KCND3: variants seen among roughly 807,000 people sequenced by gnomAD.
The protein encoded by KCND3 is potassium voltage-gated channel subfamily D member 3.
A neutral mutation model predicts 51.1 loss-of-function variants in KCND3; 9 were observed. The observed-to-expected ratio is 0.18, with a 90% CI of 0.11 to 0.31. KCND3 has a LOEUF of 0.31. KCND3 is among the 10% of genes least tolerant of loss of function. The probability of loss-of-function intolerance (pLI) is 1.00; values close to 1 mark genes in which losing one functional copy is unlikely to be tolerated. For missense variants in KCND3, 526 were observed against 903.8 expected (o/e 0.58, Z 5.36); for synonymous variants, 349 against 368.0 (o/e 0.95, Z 0.59).
At chr1:111,930,981 C>T (rs1262153512) in intron 2 of KCND3, among the ~76,000 whole-genome samples, 2 of 152,200 alleles carry the variant, frequency 1.3e-5, no homozygotes, top group African/African-American at 4.8e-5. Flanking sequence ...CCAGCCCCAT[C>T]CCACGACACC....
At chr1:111,876,017 G>A (rs1669034047) in intron 2 of KCND3, among the ~76,000 whole-genome samples, 1 of 152,184 alleles carries the variant, frequency 6.6e-6, no homozygotes, top group Non-Finnish European at 1.5e-5. Flanking sequence ...AGGTACCGGA[G>A]AGGCAGCAAA....
intron 2 of KCND3, among the ~76,000 whole-genome samples, chr1:111,805,223 G>A (rs1665509378): frequency 6.9e-6 from 1 of 145,356 alleles, no homozygotes. Context: ...ACCCCAACAG[G>A]GGGAAAAAAA....
chr1:111,850,298 G>T (rs1382680184), intron 2 of KCND3, among the ~76,000 whole-genome samples: 1 of 152,118 alleles, frequency 6.6e-6, no homozygotes, highest in Non-Finnish European at 1.5e-5. Flanking sequence ...GCTAAGAATA[G>T]CATCATCATC....
intron 2 of KCND3, among the ~76,000 whole-genome samples, chr1:111,851,179 G>A (rs182707213): frequency 2.0e-5 from 3 of 152,272 alleles, no homozygotes; most frequent in Non-Finnish European, 4.4e-5. Flanking sequence ...ATAAGTAATT[G>A]TTTCTTTCTC....
intron 2 of KCND3, among the ~76,000 whole-genome samples, chr1:111,881,986 G>A (rs1000262441): frequency 4.6e-5 from 7 of 152,246 alleles, no homozygotes; most frequent in South Asian, 2.1e-4. Flanking sequence ...TCCTGGGAAC[G>A]GAACACCATG....
chr1:111,951,707 G>C (rs907834495), intron 2 of KCND3, among the ~76,000 whole-genome samples: 7 of 152,194 alleles, frequency 4.6e-5, no homozygotes, highest in Non-Finnish European at 4.4e-5. Context: ...TAACCAAAAA[G>C]ATACAAAATC....
chr1:111,897,935 G>A (rs11582597), intron 2 of KCND3, among the ~76,000 whole-genome samples: 21,963 of 152,116 alleles, frequency 0.14, 2,020 homozygotes, highest in South Asian at 0.27. Context: ...GGACACCAGC[G>A]GTTTCTTACC....
chr1:111,867,818 A>T (rs547774992), intron 2 of KCND3, among the ~76,000 whole-genome samples: 1 of 152,326 alleles, frequency 6.6e-6, no homozygotes, highest in South Asian at 2.1e-4. Flanking sequence ...CACAGTGAAA[A>T]TCCTAGCAAT....
In KCND3 at chr1:111,775,792, T is replaced by C. The variant is rs1664074683; in HGVS notation, c.*285A>G. The C allele has an allele frequency of 4.1e-6, 2 of 491,756 alleles. No homozygotes were observed. Among genetic ancestry groups the C allele is most frequent in the East Asian group, 3.9e-5 (1 of 25,548 alleles). 30.5% of individuals were successfully genotyped at this position (491,756 alleles called of 1,614,324 possible). The stretch of plus-strand genomic sequence containing the variant: ...TCCATCCAGGCCCTGTCCTGGCACA[T>C]AGCCTATATCCCCCGGCCTATCCCC... On this transcript the variant is annotated 3_prime_UTR_variant, in exon 8 of 8. Transcript: ENST00000302127.
intron 2 of KCND3, among the ~76,000 whole-genome samples, chr1:111,835,619 A>G (rs904683834): frequency 6.6e-6 from 1 of 152,226 alleles, no homozygotes; most frequent in African/African-American, 2.4e-5. Flanking sequence ...TAGCATACTA[A>G]AAGACACTCC....
intron 2 of KCND3, among the ~76,000 whole-genome samples, chr1:111,810,460 G>A (rs1004021416): frequency 1.3e-5 from 2 of 152,204 alleles, no homozygotes; most frequent in African/African-American, 2.4e-5. Context: ...GCACCCAAAG[G>A]CCGATGCTGG....
At chr1:111,974,488 T>C (rs1050438510) in intron 2 of KCND3, among the ~76,000 whole-genome samples, 10 of 152,074 alleles carry the variant, frequency 6.6e-5, no homozygotes, top group Non-Finnish European at 1.2e-4. Flanking sequence ...TGCCTGAGGA[T>C]AGCGGGTGGG....
At chr1:111,912,517 A>G (rs1251732819) in intron 2 of KCND3, among the ~76,000 whole-genome samples, 2 of 152,218 alleles carry the variant, frequency 1.3e-5, no homozygotes, top group African/African-American at 4.8e-5. Flanking sequence ...GAAAAAAAAG[A>G]AAGTTAACTG....
chr1:111,871,740 A>G (rs926758786), intron 2 of KCND3, among the ~76,000 whole-genome samples: 2 of 152,212 alleles, frequency 1.3e-5, no homozygotes, highest in African/African-American at 4.8e-5. Flanking sequence ...GAAAGAGCAA[A>G]AAAGAGTCAA....
intron 2 of KCND3, among the ~76,000 whole-genome samples, chr1:111,834,344 G>C (rs1171044723): frequency 1.3e-5 from 2 of 152,158 alleles, no homozygotes; most frequent in African/African-American, 4.8e-5. Flanking sequence ...TTTCTGCTGA[G>C]AAGAGCTTGA....
In KCND3 at chr1:111,906,709, A is replaced by C. The variant is rs184821238; in HGVS notation, c.1106+74912T>G. Among the ~76,000 whole-genome samples the C allele has an allele frequency of 3.9e-5, 6 of 152,002 alleles. No homozygotes were observed. The East Asian group carries it at 1.2e-3, about 29-fold the overall frequency. ...CGATCCCAACTTTTGGGGTTGGGGG[A>C]TCAGGTTGTGCTGATCATTCATTCT... is the stretch of plus-strand genomic sequence containing the variant. On this transcript the variant is annotated intron_variant, in intron 2 of 7. Coordinates refer to ENST00000302127, the MANE Select transcript of KCND3 (RefSeq NM_001378969.1).
intron 2 of KCND3, among the ~76,000 whole-genome samples, chr1:111,911,618 T>A (rs193138179): frequency 5.4e-4 from 82 of 152,338 alleles, no homozygotes; most frequent in African/African-American, 1.9e-3. Flanking sequence ...AAATTTGGAC[T>A]ACACCACTCA....
At chr1:111,930,165 T>G (rs573504671) in intron 2 of KCND3, among the ~76,000 whole-genome samples, 15 of 152,232 alleles carry the variant, frequency 9.9e-5, no homozygotes, top group Non-Finnish European at 1.6e-4. Context: ...TTTTGTTTTT[T>G]TTTTTTCTAA....
At position 111,950,422 on chromosome 1, in the gene KCND3, A is replaced by G. The variant is rs72977004; in HGVS notation, c.1106+31199T>C. Among the ~76,000 whole-genome samples the G allele has an allele frequency of 3.2e-3, 484 of 152,272 alleles. 2 individuals are homozygous for G. The highest frequency in any genetic ancestry group is 0.011 in the African/African-American group (462 of 41,558). ...CCTGCCCCGGATTGGATCAAGTGCAAGACTTTATCCCCCTCACTCCCTGAG... is the reference window on the plus strand; with the variant it reads ...CCTGCCCCGGATTGGATCAAGTGCAGGACTTTATCCCCCTCACTCCCTGAG... On this transcript the variant is annotated intron_variant, in intron 2 of 7. Transcript: ENST00000302127.
Sources: allele counts gnomAD v4.1 joint callset (sites outside exome capture counted in the v4.1 genomes callset), GRCh38; gene constraint gnomAD v4.1.1; transcripts MANE v1.5; gene names NCBI Gene and HGNC (gene_info 2026-07-23, HGNC 2026-07-21).